P2RY10: variants seen among roughly 807,000 people sequenced by gnomAD.
The protein encoded by P2RY10 is P2Y receptor family member 10.
In P2RY10, 4 loss-of-function variants were observed where a neutral mutation model predicts 12.1. That is an observed-to-expected ratio of 0.33 (90% confidence interval 0.16 to 0.76). The LOEUF (loss-of-function observed/expected upper bound fraction) is 0.76, where lower values mean the gene tolerates loss of function less well. Among genes scored for constraint, P2RY10 ranks in the 30% least tolerant of loss-of-function variants. P2RY10 has a pLI of 0.61. For missense variants in P2RY10, 233 were observed against 264.6 expected (o/e 0.88, Z 0.83); for synonymous variants, 112 against 94.1 (o/e 1.19, Z -1.10).
At chrX:78,952,742 G>A (rs1385561918) in intron 3 of P2RY10, among the ~76,000 whole-genome samples, 1 of 111,778 alleles carries the variant, frequency 8.9e-6, no homozygotes, top group African/African-American at 3.3e-5. Flanking sequence ...AAGGACAGCT[G>A]TGTTGGGAAG....
chrX:78,958,601 T>C (rs1428972585), intron 3 of P2RY10, among the ~76,000 whole-genome samples: 2 of 112,457 alleles, frequency 1.8e-5, no homozygotes. Context: ...TAATAGTTCT[T>C]ACATCTTAGG....
intron 3 of P2RY10, among the ~76,000 whole-genome samples, chrX:78,959,246 C>A (rs902698890): frequency 9.0e-6 from 1 of 111,075 alleles, no homozygotes; most frequent in African/African-American, 3.3e-5. Flanking sequence ...CCTTGTCCTC[C>A]CATTTCGAGT....
rs964560135 is a variant in P2RY10 at position 78,961,590 on chromosome X, T to C, written c.*50T>C. 1.0e-6 allele frequency: 1 copy of C among 972,849 alleles called. No homozygotes were observed. The highest frequency in any genetic ancestry group is 1.9e-5 in the African/African-American group (1 of 51,549). The allele number at this position is 972,849 out of a possible 1,213,427, so 80.2% of individuals were successfully genotyped here. A position where few individuals can be genotyped will look rare whatever the true frequency, so the allele number is the denominator to read the frequency against. ...CCTTTGTTTACCTACGTTCCTTGTC[T>C]TTTTCCAAAGGCCAGAATTGTCAAC... On this transcript the variant is annotated 3_prime_UTR_variant, in exon 4 of 4. Transcript: ENST00000171757.
chrX:78,961,553 T>C lies in P2RY10; in HGVS notation c.*13T>C, dbSNP rs1296790947. The stretch of plus-strand genomic sequence containing the variant: ...AATGATTGGCTAAAATTAAGATATC[T>C]CTTTAATTACGCCTTTGTTTACCTA... On this transcript the variant is annotated 3_prime_UTR_variant, in exon 4 of 4. Coordinates refer to ENST00000171757, the MANE Select transcript of P2RY10 (RefSeq NM_014499.4). The C allele has an allele frequency of 8.8e-7, 1 of 1,137,236 alleles. No individual in the cohort carries two copies. Among genetic ancestry groups the C allele is most frequent in the Middle Eastern group, 2.4e-4 (1 of 4,105 alleles). The allele number at this position is 1,137,236 out of a possible 1,213,427, so 93.7% of individuals were successfully genotyped here. A position where few individuals can be genotyped will look rare whatever the true frequency, so the allele number is the denominator to read the frequency against.
Position 78,961,227 on chromosome X carries a change from G to A in P2RY10, c.707G>A (p.Ser236Asn), listed in dbSNP as rs760054964. Residue 236 changes from serine to asparagine, a missense_variant, in exon 4 of 4, where the codon AGT becomes AAT. By Grantham distance (46) the Ser-to-Asn change is conservative. Transcript: ENST00000171757. The part of the protein sequence containing the change: ...RQPPMAFQGI[S>N]ERQKALRMVF... ...CCACCAATGGCTTTCCAAGGGATCA[G>A]TGAGAGGCAGAAAGCACTGCGGATG... is the stretch of plus-strand genomic sequence containing the variant. 42 of 1,208,800 alleles carry A rather than the reference G, an allele frequency of 3.5e-5. No individual in the cohort carries two copies. Among genetic ancestry groups the A allele is most frequent in the Non-Finnish European group, 4.4e-5 (39 of 894,119 alleles).
rs1922745268 is a variant in P2RY10 at position 78,963,675 on chromosome X, C to G, written c.*2135C>G. Among the ~76,000 whole-genome samples the G allele has an allele frequency of 8.9e-6, 1 of 111,914 alleles. No homozygotes were observed. Among genetic ancestry groups the G allele is most frequent in the Non-Finnish European group, 1.9e-5 (1 of 53,186 alleles). ...AACTTTTTTTTTGACATGTGAATCTCTAATGTGGTGAGAGAGAAAAACATA... is the reference window on the plus strand; with the variant it reads ...AACTTTTTTTTTGACATGTGAATCTGTAATGTGGTGAGAGAGAAAAACATA... On this transcript the variant is annotated 3_prime_UTR_variant, in exon 4 of 4. Transcript: ENST00000171757.
chrX:78,957,869 A>C (rs933129983), intron 3 of P2RY10, among the ~76,000 whole-genome samples: 1 of 112,627 alleles, frequency 8.9e-6, no homozygotes, highest in Admixed American at 9.4e-5. Context: ...AGGTGTGAAC[A>C]GAACATGCCC....
intron 3 of P2RY10, among the ~76,000 whole-genome samples, chrX:78,957,662 GA>G (rs1205434816): frequency 1.9e-4 from 21 of 110,761 alleles, no homozygotes; most frequent in Admixed American, 1.8e-3. Context: ...AGATTTGGGG[GA>G]AAAAAAGCCC....
chrX:78,947,803 T>C lies in P2RY10; in HGVS notation c.-205-12T>C. On this transcript the variant is annotated splice_polypyrimidine_tract_variant and intron_variant, in intron 1 of 3. Coordinates refer to ENST00000171757, the MANE Select transcript of P2RY10 (RefSeq NM_014499.4). ...GAGTATCCTTTCCCAATTGCCATTA[T>C]ATTTCTTTCAGGTAATGTTATCATG... is the stretch of plus-strand genomic sequence containing the variant. The C allele has an allele frequency of 1.6e-6, 1 of 641,542 alleles. No individual in the cohort carries two copies. The highest frequency in any genetic ancestry group is 1.9e-6 in the Non-Finnish European group (1 of 535,966). 52.9% of individuals were successfully genotyped at this position (641,542 alleles called of 1,213,427 possible). A position where few individuals can be genotyped will look rare whatever the true frequency, so the allele number is the denominator to read the frequency against.
intron 2 of P2RY10, among the ~76,000 whole-genome samples, chrX:78,950,251 G>T (rs1431013954): frequency 9.0e-6 from 1 of 111,231 alleles, no homozygotes; most frequent in Non-Finnish European, 1.9e-5. Context: ...CAATGGTGAT[G>T]ATATTAGTTA....
intron 3 of P2RY10, among the ~76,000 whole-genome samples, chrX:78,957,520 T>G (rs1225207764): frequency 9.1e-6 from 1 of 110,415 alleles, no homozygotes; most frequent in Non-Finnish European, 1.9e-5. Context: ...TTTCTTATAT[T>G]TCAGAAATGA....
At position 78,960,777 on chromosome X, in the gene P2RY10, C is replaced by T; in HGVS notation, c.257C>T (p.Ser86Phe). 1 of 1,211,653 alleles carries T rather than the reference C, an allele frequency of 8.3e-7. No homozygotes were observed. The highest frequency in any genetic ancestry group is 1.1e-6 in the Non-Finnish European group (1 of 895,335). The change falls in exon 4 of 4, where the codon TCT becomes TTT. Residue 86 changes from serine to phenylalanine, a missense_variant. Ser to Phe is a radical substitution (Grantham distance 155). Coordinates refer to ENST00000171757, the MANE Select transcript of P2RY10 (RefSeq NM_014499.4). ...LSVADLAHVL[S>F]LPLRIYYYIS... ...GTGGCTGACCTTGCTCATGTATTAT[C>T]TTTACCCCTCCGGATTTACTATTAC...
chrX:78,958,931 A>G (rs376743650), intron 3 of P2RY10, among the ~76,000 whole-genome samples: 1 of 112,074 alleles, frequency 8.9e-6, no homozygotes, highest in Non-Finnish European at 1.9e-5. Flanking sequence ...TTTTGTTAGC[A>G]CAGCTCTATT....
At chrX:78,951,839 G>A (rs1006952922) in intron 2 of P2RY10, among the ~76,000 whole-genome samples, 4 of 111,463 alleles carry the variant, frequency 3.6e-5, no homozygotes, top group Admixed American at 1.9e-4. Context: ...TGTCATGGTC[G>A]TTTGCTGCAA....
chrX:78,959,512 A>G (rs1192688437), intron 3 of P2RY10, among the ~76,000 whole-genome samples: 1 of 112,039 alleles, frequency 8.9e-6, no homozygotes, highest in African/African-American at 3.2e-5. Context: ...ACCTTAATAT[A>G]ACACATAATA....
intron 3 of P2RY10, among the ~76,000 whole-genome samples, chrX:78,957,081 G>C (rs915208822): frequency 9.1e-6 from 1 of 109,666 alleles, no homozygotes; most frequent in Admixed American, 9.8e-5. Flanking sequence ...AGAATTACCT[G>C]GGTTTTCTGG....
At chrX:78,955,384 G>A (rs1464380536) in intron 3 of P2RY10, among the ~76,000 whole-genome samples, 1 of 112,312 alleles carries the variant, frequency 8.9e-6, no homozygotes, top group African/African-American at 3.2e-5. Context: ...TGAGCCTTCA[G>A]AATGAAGACT....
At position 78,960,698 on chromosome X, in the gene P2RY10, T is replaced by G; in HGVS notation, c.178T>G (p.Cys60Gly). The G allele has an allele frequency of 8.3e-7, 1 of 1,211,031 alleles. No homozygotes were observed. The highest frequency in any genetic ancestry group is 3.0e-5 in the East Asian group (1 of 33,843). ...LANSAALWVL[C>G]RFISKKNKAI... ...TAACAGTGCAGCCTTGTGGGTTCTG[T>G]GCCGCTTCATCAGCAAGAAAAATAA... Residue 60 changes from cysteine (C) to glycine (G), a missense_variant, in exon 4 of 4, where the codon TGC (cysteine) becomes GGC (glycine). Coordinates refer to ENST00000171757, the MANE Select transcript of P2RY10 (RefSeq NM_014499.4).
intron 3 of P2RY10, among the ~76,000 whole-genome samples, chrX:78,958,731 C>T (rs986306532): frequency 3.6e-5 from 4 of 112,162 alleles, no homozygotes; most frequent in East Asian, 5.6e-4. Context: ...GTGAGAGTCC[C>T]TTCCACCCTC....
Sources: allele counts gnomAD v4.1 joint callset (sites outside exome capture counted in the v4.1 genomes callset), GRCh38; gene constraint gnomAD v4.1.1; transcripts MANE v1.5; gene names NCBI Gene and HGNC (gene_info 2026-07-23, HGNC 2026-07-21).